PTPRC: variants seen among roughly 807,000 people sequenced by gnomAD.
The protein encoded by PTPRC is protein tyrosine phosphatase receptor type C, also known as receptor-type tyrosine-protein phosphatase C.
Under a neutral mutation model 155.9 loss-of-function variants are expected in PTPRC, and 44 were observed. The ratio of observed to expected loss-of-function variants is 0.28; its 90% CI spans 0.22 to 0.36. The LOEUF is 0.36. PTPRC is among the 10% of genes least tolerant of loss of function. The pLI is 1.00. For missense variants in PTPRC, 1,401 were observed against 1,564.6 expected (o/e 0.90, Z 1.76); for synonymous variants, 525 against 533.1 (o/e 0.98, Z 0.21).
intron 3 of PTPRC, chr1:198,695,001 A>G: frequency 1.0e-6 from 1 of 963,776 alleles, no homozygotes; most frequent in African/African-American, 1.8e-5. Context: ...GTTTTTCATT[A>G]GAAAATAACA....
At chr1:198,670,192 C>T (rs1436746078) in intron 2 of PTPRC, among the ~76,000 whole-genome samples, 3 of 151,978 alleles carry the variant, frequency 2.0e-5, no homozygotes, top group Admixed American at 1.3e-4. Context: ...CAGATTTGTC[C>T]TTAAGTACTG....
intron 10 of PTPRC, among the ~76,000 whole-genome samples, chr1:198,709,463 A>T (rs1653170808): frequency 6.6e-6 from 1 of 152,128 alleles, no homozygotes; most frequent in African/African-American, 2.4e-5. Context: ...TAAATCCAAA[A>T]CACTTCTGGT....
chr1:198,692,413 T>C (rs971196742), intron 3 of PTPRC, 40 bp downstream of exon 3: 3 of 1,324,928 alleles, frequency 2.3e-6, no homozygotes, highest in Non-Finnish European at 3.0e-6. Context: ...TTTTATTTTC[T>C]TGTTGCAAAG....
intron 3 of PTPRC, among the ~76,000 whole-genome samples, chr1:198,695,931 G>A (rs1173443005): frequency 6.6e-6 from 1 of 152,092 alleles, no homozygotes; most frequent in African/African-American, 2.4e-5. Flanking sequence ...GGAGGCCGAG[G>A]CGGGTGGATC....
At chr1:198,679,736 A>C (rs1665192251) in intron 2 of PTPRC, 1 of 408,576 alleles carries the variant, frequency 2.4e-6, no homozygotes, top group African/African-American at 2.0e-5. Flanking sequence ...CACGTAATGG[A>C]GATGACTGGG....
At chr1:198,703,427 C>G in intron 7 of PTPRC, 55 bp downstream of exon 7, 2 of 1,606,882 alleles carry the variant, frequency 1.2e-6, no homozygotes, top group Non-Finnish European at 1.7e-6. Context: ...TGGTGATGTG[C>G]TCTCACAAGG....
chr1:198,693,125 C>G (rs1428023505), intron 3 of PTPRC: 1 of 951,572 alleles, frequency 1.1e-6, no homozygotes, highest in African/African-American at 1.8e-5. Flanking sequence ...ATGCACAATT[C>G]CAACTAACGT....
intron 15 of PTPRC, among the ~76,000 whole-genome samples, chr1:198,727,643 GGGCTCT>G (rs1654200736): frequency 6.6e-6 from 1 of 152,038 alleles, no homozygotes; most frequent in Non-Finnish European, 1.5e-5. Context: ...CTAAGCAGTC[GGGCTCT>G]GGAGCTGAGG....
At chr1:198,740,605 A>G (rs1029118000) in intron 23 of PTPRC, among the ~76,000 whole-genome samples, 2 of 151,740 alleles carry the variant, frequency 1.3e-5, no homozygotes, top group African/African-American at 4.8e-5. Context: ...AAATTGACAA[A>G]CCTTTAGTCA....
intron 8 of PTPRC, 63 bp downstream of exon 8, chr1:198,704,561 C>A: frequency 6.2e-7 from 1 of 1,613,330 alleles, no homozygotes. Context: ...TTACATCTTT[C>A]TTTATTCCAA....
intron 11 of PTPRC, among the ~76,000 whole-genome samples, chr1:198,711,035 T>C (rs1348492519): frequency 1.3e-5 from 2 of 152,096 alleles, no homozygotes; most frequent in African/African-American, 4.8e-5. Context: ...TCTGTATTTT[T>C]AGTAGAGATC....
At chr1:198,688,281 G>A (rs1048167593) in intron 2 of PTPRC, among the ~76,000 whole-genome samples, 5 of 152,062 alleles carry the variant, frequency 3.3e-5, no homozygotes, top group African/African-American at 1.2e-4. Flanking sequence ...AAGTAAGCAT[G>A]AACATAGAAG....
chr1:198,659,822 G>A (rs951211447), intron 2 of PTPRC, among the ~76,000 whole-genome samples: 2 of 151,836 alleles, frequency 1.3e-5, no homozygotes, highest in African/African-American at 2.4e-5. Context: ...GATTACAGGC[G>A]TGAGCCACTG....
chr1:198,697,983 T>A (rs1408463494), intron 4 of PTPRC, among the ~76,000 whole-genome samples: 1 of 152,172 alleles, frequency 6.6e-6, no homozygotes, highest in Non-Finnish European at 1.5e-5. Flanking sequence ...CTAAACACTG[T>A]AAAAATTTGA....
At chr1:198,656,267 C>T (rs1663559070) in intron 2 of PTPRC, among the ~76,000 whole-genome samples, 1 of 151,956 alleles carries the variant, frequency 6.6e-6, no homozygotes, top group African/African-American at 2.4e-5. Flanking sequence ...GACTTATTTC[C>T]AATCATAGAT....
At chr1:198,650,148 C>G (rs186618697) in intron 2 of PTPRC, among the ~76,000 whole-genome samples, 1 of 151,930 alleles carries the variant, frequency 6.6e-6, no homozygotes, top group Non-Finnish European at 1.5e-5. Context: ...AAGAACTGAG[C>G]AGGTTGTGGT....
Position 198,744,037 on chromosome 1 carries a change from T to C in PTPRC, c.2698-17T>C. ...AGATTATCAGTTAACTATCTGTATT[T>C]GTTCTTGAAATTGTAGGCCCAGTAC... On this transcript the variant is annotated splice_polypyrimidine_tract_variant and intron_variant, in intron 25 of 32. Coordinates refer to ENST00000442510, the MANE Select transcript of PTPRC (RefSeq NM_002838.5). The C allele has an allele frequency of 6.3e-7, 1 of 1,583,530 alleles. No individual in the cohort carries two copies. The highest frequency in any genetic ancestry group is 1.3e-5 in the African/African-American group (1 of 74,158).
intron 9 of PTPRC, 40 bp downstream of exon 9, chr1:198,706,992 CA>C: frequency 1.3e-6 from 2 of 1,496,724 alleles, no homozygotes; most frequent in Non-Finnish European, 1.9e-6. Context: ...TTTATAAAAA[CA>C]GTACACTTTT....
intron 26 of PTPRC, among the ~76,000 whole-genome samples, chr1:198,747,827 A>G (rs543150963): frequency 6.6e-6 from 1 of 152,032 alleles, no homozygotes; most frequent in Non-Finnish European, 1.5e-5. Flanking sequence ...CAATTTATAT[A>G]AGAACAAACT....
Sources: gnomAD v4.1 joint callset for allele counts (sites outside exome capture counted in the v4.1 genomes callset) on GRCh38, gnomAD v4.1.1 for gene constraint, MANE v1.5 for transcripts, NCBI Gene and HGNC (gene_info 2026-07-23, HGNC 2026-07-21) for gene names.